COL4A6: variants seen among roughly 807,000 people sequenced by gnomAD.
COL4A6 encodes the protein collagen type IV alpha 6 chain.
Under a neutral mutation model 126.7 loss-of-function variants are expected in COL4A6, and 59 were observed. That is an observed-to-expected ratio of 0.47 (90% CI 0.38 to 0.58). The LOEUF (loss-of-function observed/expected upper bound fraction) is 0.58, where lower values mean the gene tolerates loss of function less well. Ranked by LOEUF, COL4A6 falls within the 20% of genes least tolerant of loss-of-function variation. COL4A6 has a pLI of 0.00. For missense variants in COL4A6, 1,285 were observed against 1,337.3 expected, an observed-to-expected ratio of 0.96 and a Z score of 0.61; for synonymous variants, 547 against 496.6, an observed-to-expected ratio of 1.10 and a Z score of -1.35.
At chrX:108,362,518 C>T (rs985474247) in intron 2 of COL4A6, among the ~76,000 whole-genome samples, 1 of 111,435 alleles carries the variant, frequency 9.0e-6, no homozygotes, top group Non-Finnish European at 1.9e-5. Flanking sequence ...TCAAGATCCA[C>T]CCAAGGGTCC....
intron 2 of COL4A6, among the ~76,000 whole-genome samples, chrX:108,384,730 ACGTAAATG>A (rs2040644381): frequency 3.6e-5 from 4 of 112,120 alleles, no homozygotes; most frequent in Admixed American, 9.5e-5. Context: ...AATAAAGGAA[ACGTAAATG>A]TCGACTCTCA....
chrX:108,274,948 C>T (rs1432360435), intron 3 of COL4A6, among the ~76,000 whole-genome samples: 1 of 111,118 alleles, frequency 9.0e-6, no homozygotes, highest in African/African-American at 3.3e-5. Context: ...CAGGTCCCAC[C>T]CACACTCAAG....
intron 2 of COL4A6, among the ~76,000 whole-genome samples, chrX:108,381,067 C>G (rs960839165): frequency 8.9e-6 from 1 of 111,996 alleles, no homozygotes; most frequent in East Asian, 2.8e-4. Context: ...ATTCCCAGTT[C>G]GTCACTGTCC....
At chrX:108,304,305 AG>A (rs2038570542) in intron 3 of COL4A6, among the ~76,000 whole-genome samples, 1 of 112,055 alleles carries the variant, frequency 8.9e-6, no homozygotes, top group Non-Finnish European at 1.9e-5. Flanking sequence ...GAACATCTGC[AG>A]GGCTATGATT....
intron 2 of COL4A6, among the ~76,000 whole-genome samples, chrX:108,398,935 G>A (rs1260616663): frequency 3.6e-5 from 4 of 111,725 alleles, no homozygotes; most frequent in Non-Finnish European, 7.5e-5. Flanking sequence ...ATACTTTGGC[G>A]CTAGAGTGTC....
intron 3 of COL4A6, among the ~76,000 whole-genome samples, chrX:108,273,179 C>A (rs1477710553): frequency 9.0e-6 from 1 of 110,774 alleles, no homozygotes; most frequent in Non-Finnish European, 1.9e-5. Flanking sequence ...AGGATATGAA[C>A]AGACACTTCT....
chrX:108,364,872 T>A lies in COL4A6; in HGVS notation c.64-54044A>T, dbSNP rs761126391. Among the ~76,000 whole-genome samples the A allele has an allele frequency of 2.7e-5, 3 of 111,692 alleles. No homozygotes were observed. The South Asian group carries it at 1.2e-3, about 43-fold the overall frequency. ...TCTGCTAATGGACGCTTAGGTTGAT[T>A]CCATATCTTGGCTATGGTGAATAGT... On this transcript the variant is annotated intron_variant, in intron 2 of 44. Transcript: ENST00000334504.
At chrX:108,178,253 G>A (rs2034559751) in intron 27 of COL4A6, among the ~76,000 whole-genome samples, 1 of 112,382 alleles carries the variant, frequency 8.9e-6, no homozygotes, top group South Asian at 3.7e-4. Context: ...ATGGGTCCTT[G>A]GAGGCATGCT....
At chrX:108,343,393 C>T (rs985770079) in intron 2 of COL4A6, among the ~76,000 whole-genome samples, 1 of 109,828 alleles carries the variant, frequency 9.1e-6, no homozygotes, top group Non-Finnish European at 1.9e-5. Context: ...GATTGAGATT[C>T]TCAAGGTCTA....
At chrX:108,350,582 T>C (rs928854563) in intron 2 of COL4A6, among the ~76,000 whole-genome samples, 9 of 111,493 alleles carry the variant, frequency 8.1e-5, no homozygotes, top group Admixed American at 5.8e-4. Flanking sequence ...TCTAGGTAAA[T>C]CTATATATAC....
chrX:108,419,835 A>G (rs749384186), intron 2 of COL4A6, among the ~76,000 whole-genome samples: 2 of 112,138 alleles, frequency 1.8e-5, no homozygotes, highest in Non-Finnish European at 3.8e-5. Context: ...GTCCATCGCT[A>G]CAGCATACAA....
chrX:108,341,056 C>T (rs2039552576), intron 2 of COL4A6, among the ~76,000 whole-genome samples: 2 of 110,927 alleles, frequency 1.8e-5, no homozygotes, highest in Admixed American at 9.6e-5. Context: ...GCTGCTGTAT[C>T]CTAGGGTTTG....
intron 2 of COL4A6, among the ~76,000 whole-genome samples, chrX:108,429,866 A>T (rs2064149196): frequency 9.0e-6 from 1 of 111,506 alleles, no homozygotes. Context: ...TTGTTATTGG[A>T]GTTAACATTA....
chrX:108,419,841 T>C (rs1281154419), intron 2 of COL4A6, among the ~76,000 whole-genome samples: 2 of 111,920 alleles, frequency 1.8e-5, no homozygotes. Flanking sequence ...CGCTACAGCA[T>C]ACAACTGCGA....
At chrX:108,214,075 G>T in intron 6 of COL4A6, 37 bp downstream of exon 6, 1 of 1,111,622 alleles carries the variant, frequency 9.0e-7, no homozygotes, top group Non-Finnish European at 1.2e-6. Context: ...GACAAGCAAA[G>T]CCATTTGAAA....
At chrX:108,165,078 C>T (rs766448373) in intron 38 of COL4A6, 40 bp from the exon 39 acceptor site, 7 of 1,150,483 alleles carry the variant, frequency 6.1e-6, no homozygotes, top group Non-Finnish European at 8.2e-6. Flanking sequence ...GGCAGGTGAA[C>T]AGGTAGTAGC....
intron 41 of COL4A6, among the ~76,000 whole-genome samples, chrX:108,162,369 AAAG>A (rs747814836): frequency 2.9e-3 from 314 of 108,936 alleles, no homozygotes; most frequent in Non-Finnish European, 4.7e-3. Context: ...AAAAAAATAA[AAAG>A]AAGAAGAAGG....
intron 3 of COL4A6, among the ~76,000 whole-genome samples, chrX:108,252,041 T>C (rs1367672805): frequency 3.6e-5 from 4 of 111,447 alleles, no homozygotes; most frequent in African/African-American, 1.3e-4. Context: ...TATTGTTAAC[T>C]GTAGTCACCC....
intron 2 of COL4A6, among the ~76,000 whole-genome samples, chrX:108,391,195 G>T (rs1436897639): frequency 3.6e-5 from 4 of 111,907 alleles, no homozygotes; most frequent in Non-Finnish European, 7.5e-5. Flanking sequence ...TGAGCAGGCA[G>T]TCAGTCCCTT....
Sources: allele counts gnomAD v4.1 joint callset (sites outside exome capture counted in the v4.1 genomes callset), GRCh38; gene constraint gnomAD v4.1.1; transcripts MANE v1.5; gene names NCBI Gene and HGNC (gene_info 2026-07-23, HGNC 2026-07-21).